Variants in ACTR8 observed in about 807,000 individuals in gnomAD.
The protein encoded by ACTR8 is actin related protein 8.
Under a neutral mutation model 84.3 loss-of-function variants are expected in ACTR8, and 70 were observed. The ratio of observed to expected loss-of-function variants is 0.83; its 90% confidence interval spans 0.68 to 1.01. The LOEUF is 1.01. Ranked by LOEUF, ACTR8 falls within the 50% of genes least tolerant of loss-of-function variation. ACTR8 has a pLI of 0.00. For synonymous variants in ACTR8, 268 were observed against 275.2 expected (o/e 0.97, Z 0.26); for missense variants, 672 against 775.4 (o/e 0.87, Z 1.58).
chr3:53,880,967 A>C (rs1356170714), intron 1 of ACTR8, among the ~76,000 whole-genome samples: 1 of 152,146 alleles, frequency 6.6e-6, no homozygotes, highest in Admixed American at 6.5e-5. Context: ...CTGTTGTCCT[A>C]TCTCCAAGTG....
rs1576867309 is a variant in ACTR8 at position 53,877,745 on chromosome 3, A to C, written c.412T>G (p.Ser138Ala). 1 of 1,613,796 alleles carries C rather than the reference A, an allele frequency of 6.2e-7. No individual in the cohort carries two copies. Among genetic ancestry groups the C allele is most frequent in the Non-Finnish European group, 8.5e-7 (1 of 1,179,750 alleles). ...GCAGGTCGCATCTGCTTATTGTAGGAGCGTGCCTGAAAAGAAAAACCATCA... is the reference window on the plus strand; with the variant it reads ...GCAGGTCGCATCTGCTTATTGTAGGCGCGTGCCTGAAAAGAAAAACCATCA... Reference protein sequence around the residue: ...RIPVSPEQARSYNKQMRPAIL... With the variant: ...RIPVSPEQARAYNKQMRPAIL... Residue 138 changes from serine to alanine, a missense_variant, in exon 4 of 13, where the codon TCC becomes GCC. Coordinates refer to ENST00000335754, the MANE Select transcript of ACTR8 (RefSeq NM_022899.5).
At chr3:53,866,078 GA>G (rs1699770075), downstream of ACTR8, among the ~76,000 whole-genome samples, 1 of 152,336 alleles carries the variant, frequency 6.6e-6, no homozygotes, top group East Asian at 1.9e-4. Context: ...TTTTATAAAT[GA>G]GTTATTATAA....
chr3:53,867,499 A>C lies in ACTR8; in HGVS notation c.*1220T>G, dbSNP rs1041492854. ...TCCCATTGATACAAAATGCTCAGGT[A>C]CCGGCATTTCTCCACATCCAGAGTT... On this transcript the variant is annotated 3_prime_UTR_variant, in exon 13 of 13. Transcript: ENST00000335754. The C allele has an allele frequency of 1.3e-5, 2 of 152,244 alleles. No individual in the cohort carries two copies. The highest frequency in any genetic ancestry group is 2.9e-5 in the Non-Finnish European group (2 of 68,056). The allele number at this position is 152,244 out of a possible 1,614,324, so 9.4% of individuals were successfully genotyped here. A position where few individuals can be genotyped will look rare whatever the true frequency, so the allele number is the denominator to read the frequency against.
chr3:53,876,023 G>A lies in ACTR8; in HGVS notation c.836C>T (p.Thr279Met), dbSNP rs111613351. The A allele has an allele frequency of 9.3e-6, 15 of 1,613,996 alleles. No individual in the cohort carries two copies. Among genetic ancestry groups the A allele is most frequent in the Non-Finnish European group, 1.1e-5 (13 of 1,180,030 alleles). ...CATYGSGLSS[T>M]CIVDVGDQKT... is the part of the protein sequence containing the mutation. ...CTGGTCCCCAACGTCTACAATACACGTGCTGCTTAAGCCACTTCCATAGGT... is the reference window on the plus strand; with the variant it reads ...CTGGTCCCCAACGTCTACAATACACATGCTGCTTAAGCCACTTCCATAGGT... The change falls in exon 7 of 13, where the codon ACG becomes ATG. Residue 279 changes from threonine (T) to methionine (M), a missense_variant. Thr to Met is a moderately conservative substitution (Grantham distance 81). Transcript: ENST00000335754.
At chr3:53,861,240 C>A in the ACTR8 span, 1 of 152,000 alleles carries the variant, frequency 6.6e-6, no homozygotes, top group Admixed American at 6.6e-5. Context: ...CGAAGTGCCA[C>A]TAGTAATGCT....
chr3:53,881,989 G>T lies in ACTR8; in HGVS notation c.113C>A (p.Ser38Ter), dbSNP rs750135774. The T allele has an allele frequency of 6.4e-7, 1 of 1,553,972 alleles. No homozygotes were observed. The highest frequency in any genetic ancestry group is 1.2e-5 in the South Asian group (1 of 84,296). ...RPIVPALVPESLQEQIQSNFI... is the reference protein window; with the variant it reads ...RPIVPALVPE ...CAGCCAGAGCCGCACCTCTTGCAGCGACTCCGGCACCAGCGCGGGCACGAT... is the reference window on the plus strand; with the variant it reads ...CAGCCAGAGCCGCACCTCTTGCAGCTACTCCGGCACCAGCGCGGGCACGAT... The change falls in exon 1 of 13, where the codon TCG becomes TAG. Residue 38 changes from serine (S) to a stop codon, truncating the protein, a stop_gained. Coordinates refer to ENST00000335754, the MANE Select transcript of ACTR8 (RefSeq NM_022899.5). LOFTEE classifies it high-confidence loss of function.
chr3:53,878,309 G>C lies in ACTR8; in HGVS notation c.405+48C>G, dbSNP rs149426401. 728 of 1,306,338 alleles carry C rather than the reference G, an allele frequency of 5.6e-4. 6 individuals carry two copies. The African/African-American group carries it at 9.1e-3, about 16-fold the overall frequency. 80.9% of individuals were successfully genotyped at this position (1,306,338 alleles called of 1,614,324 possible). On this transcript the variant is annotated intron_variant, in intron 3 of 12. Transcript: ENST00000335754. The stretch of plus-strand genomic sequence containing the variant: ...AGGAAGAACATGTGAATGGTATTAT[G>C]ATACCAATAGTGGTGATAAAAGAAT...
intron 8 of ACTR8, 62 bp downstream of exon 8, chr3:53,874,149 T>G (rs1699932178): frequency 1.3e-6 from 2 of 1,548,558 alleles, no homozygotes; most frequent in African/African-American, 1.4e-5. Flanking sequence ...TTAAGTATCT[T>G]TTAAATCTCT....
intron 11 of ACTR8, chr3:53,871,025 C>A (rs1183896955): frequency 4.9e-6 from 3 of 611,756 alleles, no homozygotes; most frequent in South Asian, 2.4e-5. Context: ...GTGTAATAAT[C>A]TGACTTATTT....
chr3:53,874,966 CAT>C (rs1322866045), intron 7 of ACTR8, among the ~76,000 whole-genome samples: 2 of 152,302 alleles, frequency 1.3e-5, no homozygotes, highest in African/African-American at 4.8e-5. Flanking sequence ...ATGTGTTTAT[CAT>C]ATGACAGTTG....
chr3:53,863,022 G>T (rs1699622967), downstream of ACTR8, among the ~76,000 whole-genome samples: 1 of 152,140 alleles, frequency 6.6e-6, no homozygotes, highest in Non-Finnish European at 1.5e-5. Flanking sequence ...ATGATGACAA[G>T]AATAAAGACC....
chr3:53,868,615 C>T lies in ACTR8; in HGVS notation c.*104G>A. The T allele has an allele frequency of 6.7e-7, 1 of 1,490,442 alleles. No individual in the cohort carries two copies. The highest frequency in any genetic ancestry group is 9.0e-7 in the Non-Finnish European group (1 of 1,109,192). The allele number at this position is 1,490,442 out of a possible 1,614,324, so 92.3% of individuals were successfully genotyped here. ...GTTCAAATTCATTTACTGTCCATGACACTTAAGCATCCAGATCAATAAATT... is the reference window on the plus strand; with the variant it reads ...GTTCAAATTCATTTACTGTCCATGATACTTAAGCATCCAGATCAATAAATT... On this transcript the variant is annotated 3_prime_UTR_variant, in exon 13 of 13. Transcript: ENST00000335754.
chr3:53,875,703 T>C (rs999415482), intron 7 of ACTR8, among the ~76,000 whole-genome samples: 7 of 152,216 alleles, frequency 4.6e-5, no homozygotes, highest in Non-Finnish European at 8.8e-5. Context: ...GCATAAAACA[T>C]CCCAGGACTT....
downstream of ACTR8, chr3:53,864,882 T>A (rs1047441627): frequency 9.9e-6 from 16 of 1,614,054 alleles, no homozygotes; most frequent in Admixed American, 1.0e-4. Context: ...ATTGCAGAAG[T>A]GAGGTCATCC....
chr3:53,861,120 C>T, the ACTR8 span: 1 of 152,158 alleles, frequency 6.6e-6, no homozygotes, highest in African/African-American at 2.4e-5. Flanking sequence ...CGAGCAGTTC[C>T]TGTCTCCAGT....
chr3:53,863,019 C>G (rs1236167291), downstream of ACTR8, among the ~76,000 whole-genome samples: 1 of 151,750 alleles, frequency 6.6e-6, no homozygotes, highest in Non-Finnish European at 1.5e-5. Flanking sequence ...AAGATGATGA[C>G]AAGAATAAAG....
downstream of ACTR8, among the ~76,000 whole-genome samples, chr3:53,866,545 G>A (rs543751574): frequency 9.0e-4 from 136 of 151,740 alleles, no homozygotes; most frequent in Non-Finnish European, 1.8e-3. Context: ...GCAGTGGCGT[G>A]ACCTCGGCTC....
intron 2 of ACTR8, among the ~76,000 whole-genome samples, chr3:53,879,413 C>G (rs1300177607): frequency 6.6e-6 from 1 of 152,102 alleles, no homozygotes; most frequent in Non-Finnish European, 1.5e-5. Context: ...ATAGATTTAT[C>G]ATTGATCACA....
intron 3 of ACTR8, among the ~76,000 whole-genome samples, chr3:53,878,060 A>G (rs1327982692): frequency 6.6e-6 from 1 of 152,224 alleles, no homozygotes; most frequent in East Asian, 1.9e-4. Flanking sequence ...ATATTGGTTT[A>G]TCATATGAAA....
Sources: gnomAD v4.1 joint callset for allele counts (sites outside exome capture counted in the v4.1 genomes callset) on GRCh38, gnomAD v4.1.1 for gene constraint, MANE v1.5 for transcripts, NCBI Gene and HGNC (gene_info 2026-07-23, HGNC 2026-07-21) for gene names.